Variants in CACNA2D3 observed in about 807,000 individuals in gnomAD.
CACNA2D3 encodes the protein voltage-dependent calcium channel subunit alpha-2/delta-3.
CACNA2D3 carries 60 observed loss-of-function variants against 160.6 expected under a neutral mutation model. That is an observed-to-expected ratio of 0.37 (90% CI 0.30 to 0.46). The LOEUF (loss-of-function observed/expected upper bound fraction) is 0.46, where lower values mean the gene tolerates loss of function less well. Ranked by LOEUF, CACNA2D3 falls within the 20% of genes least tolerant of loss-of-function variation. CACNA2D3 has a pLI of 1.00. For synonymous variants in CACNA2D3, 558 were observed against 492.9 expected, an observed-to-expected ratio of 1.13 and a Z score of -1.75; for missense variants, 1,205 against 1,365.0, an observed-to-expected ratio of 0.88 and a Z score of 1.85.
At chr3:54,340,519 C>T (rs1005699915) in intron 3 of CACNA2D3, among the ~76,000 whole-genome samples, 1 of 152,172 alleles carries the variant, frequency 6.6e-6, no homozygotes, top group South Asian at 2.1e-4. Context: ...AAACAGAAAA[C>T]GTACCTTCTT....
intron 4 of CACNA2D3, among the ~76,000 whole-genome samples, chr3:54,442,872 C>T (rs1559482298): frequency 6.6e-6 from 1 of 152,140 alleles, no homozygotes; most frequent in Non-Finnish European, 1.5e-5. Flanking sequence ...TCATGAGTCG[C>T]TATTTGAGAT....
At chr3:54,158,376 A>G (rs993991273) in intron 2 of CACNA2D3, among the ~76,000 whole-genome samples, 3 of 152,134 alleles carry the variant, frequency 2.0e-5, no homozygotes, top group Admixed American at 6.5e-5. Flanking sequence ...CAGTATAACC[A>G]GGGTTTGCCA....
intron 2 of CACNA2D3, among the ~76,000 whole-genome samples, chr3:54,268,242 C>G (rs998243903): frequency 6.6e-6 from 1 of 152,124 alleles, no homozygotes; most frequent in Non-Finnish European, 1.5e-5. Flanking sequence ...GGTCATACAG[C>G]CTTCATGTGA....
intron 11 of CACNA2D3, among the ~76,000 whole-genome samples, chr3:54,733,960 T>G (rs968341464): frequency 6.6e-6 from 1 of 151,180 alleles, no homozygotes; most frequent in African/African-American, 2.4e-5. Context: ...GCAGTGAGAT[T>G]GAAAAAAAAA....
chr3:54,419,266 C>T (rs1699802088), intron 4 of CACNA2D3, among the ~76,000 whole-genome samples: 1 of 152,190 alleles, frequency 6.6e-6, no homozygotes, highest in Non-Finnish European at 1.5e-5. Flanking sequence ...CTTGGTCACA[C>T]TTATACCCTC....
At chr3:54,381,627 C>G (rs761141938) in intron 3 of CACNA2D3, among the ~76,000 whole-genome samples, 1 of 152,158 alleles carries the variant, frequency 6.6e-6, no homozygotes, top group South Asian at 2.1e-4. Flanking sequence ...ATTTAAGTGT[C>G]GCGGGGAGGA....
At chr3:54,542,236 AT>A (rs2106666101) in intron 5 of CACNA2D3, among the ~76,000 whole-genome samples, 1 of 151,798 alleles carries the variant, frequency 6.6e-6, no homozygotes, top group East Asian at 1.9e-4. Context: ...TCATTTTTAT[AT>A]TTTTAGGAGA....
At chr3:54,249,558 TACACAC>T (rs149515122) in intron 2 of CACNA2D3, among the ~76,000 whole-genome samples, 5 of 123,806 alleles carry the variant, frequency 4.0e-5, no homozygotes, top group South Asian at 2.8e-4. Context: ...TCTGTTTACG[TACACAC>T]ACACACACAC....
intron 11 of CACNA2D3, among the ~76,000 whole-genome samples, chr3:54,735,793 A>T (rs1168910217): frequency 9.9e-5 from 15 of 151,632 alleles, no homozygotes; most frequent in Admixed American, 7.9e-4. Flanking sequence ...AATGGAATTG[A>T]GTGGAATTTT....
intron 17 of CACNA2D3, among the ~76,000 whole-genome samples, chr3:54,871,043 T>TACACACACACAC (rs58370850): frequency 1.4e-5 from 2 of 142,952 alleles, no homozygotes; most frequent in African/African-American, 5.3e-5. Context: ...AGCTTTGGGA[T>TACACACACACAC]ACACACACAC....
At chr3:54,803,375 G>A (rs1435310403) in intron 13 of CACNA2D3, among the ~76,000 whole-genome samples, 1 of 152,178 alleles carries the variant, frequency 6.6e-6, no homozygotes, top group Non-Finnish European at 1.5e-5. Flanking sequence ...AGGAGCTGAT[G>A]GAGCTGAAAG....
chr3:54,784,334 T>C (rs1702593192), intron 13 of CACNA2D3, among the ~76,000 whole-genome samples: 1 of 152,118 alleles, frequency 6.6e-6, no homozygotes, highest in Non-Finnish European at 1.5e-5. Flanking sequence ...CAATTAACCT[T>C]GGGGCTAAGA....
intron 11 of CACNA2D3, among the ~76,000 whole-genome samples, chr3:54,705,154 C>T (rs1273576690): frequency 3.3e-5 from 5 of 152,144 alleles, no homozygotes; most frequent in Non-Finnish European, 7.3e-5. Context: ...GTACTGAATA[C>T]CCACTATCTG....
At chr3:54,208,003 T>C (rs1410783795) in intron 2 of CACNA2D3, among the ~76,000 whole-genome samples, 1 of 152,206 alleles carries the variant, frequency 6.6e-6, no homozygotes, top group African/African-American at 2.4e-5. Context: ...TTTGAACAGC[T>C]CAGTGTTGTC....
intron 2 of CACNA2D3, among the ~76,000 whole-genome samples, chr3:54,190,619 C>T (rs1455349200): frequency 6.6e-6 from 1 of 152,226 alleles, no homozygotes; most frequent in African/African-American, 2.4e-5. Context: ...CTTAAATACT[C>T]CTGCTGTTGT....
At chr3:54,749,375 G>A (rs1234434691) in intron 11 of CACNA2D3, among the ~76,000 whole-genome samples, 1 of 152,096 alleles carries the variant, frequency 6.6e-6, no homozygotes, top group African/African-American at 2.4e-5. Context: ...AAGTAATGAA[G>A]GTGAACATCC....
At chr3:54,640,864 G>C (rs1246223649) in intron 10 of CACNA2D3, among the ~76,000 whole-genome samples, 2 of 152,140 alleles carry the variant, frequency 1.3e-5, no homozygotes, top group Non-Finnish European at 2.9e-5. Flanking sequence ...TGTCTCTCAA[G>C]TAGCCCATTG....
chr3:54,283,155 G>A (rs180833431), intron 2 of CACNA2D3, among the ~76,000 whole-genome samples: 1 of 152,316 alleles, frequency 6.6e-6, no homozygotes, highest in Admixed American at 6.5e-5. Flanking sequence ...ATTTTAGTGA[G>A]AAGTAATGTT....
chr3:54,954,736 CTTTG>C (rs2107026434), intron 27 of CACNA2D3, among the ~76,000 whole-genome samples: 2 of 152,310 alleles, frequency 1.3e-5, no homozygotes, highest in Non-Finnish European at 2.9e-5. Context: ...GAATCTGCTT[CTTTG>C]TTCTCTGGAT....
Sources: gnomAD v4.1 joint callset for allele counts (sites outside exome capture counted in the v4.1 genomes callset) on GRCh38, gnomAD v4.1.1 for gene constraint, MANE v1.5 for transcripts, NCBI Gene and HGNC (gene_info 2026-07-23, HGNC 2026-07-21) for gene names.